CDH4: variants seen among roughly 807,000 people sequenced by gnomAD.
The protein encoded by CDH4 is cadherin-4.
Under a neutral mutation model 86.0 loss-of-function variants are expected in CDH4, and 33 were observed. The observed-to-expected ratio is 0.38, with a 90% confidence interval of 0.29 to 0.51. CDH4 has a LOEUF of 0.51. Ranked by LOEUF, CDH4 falls within the 20% of genes least tolerant of loss-of-function variation. CDH4 has a pLI of 0.86. For synonymous variants in CDH4, 555 were observed against 549.4 expected, an observed-to-expected ratio of 1.01 and a Z score of -0.14; for missense variants, 1,114 against 1,307.4, an observed-to-expected ratio of 0.85 and a Z score of 2.28.
intron 2 of CDH4, among the ~76,000 whole-genome samples, chr20:61,438,060 A>G (rs1203606114): frequency 1.3e-5 from 2 of 152,122 alleles, no homozygotes; most frequent in African/African-American, 2.4e-5. Context: ...TATTTTCACA[A>G]ACAGTGCATG....
Position 61,651,200 on chromosome 20 carries a change from G to A in CDH4, c.170-92363G>A, listed in dbSNP as rs191511570. On this transcript the variant is annotated intron_variant, in intron 2 of 15. Transcript: ENST00000614565. Reference sequence around the variant, plus strand: ...CACTGGTGTGCTTGTGTGAGTTAGCGTCATGCTTGGCCGTGCACTGGTGTG... The same window carrying A: ...CACTGGTGTGCTTGTGTGAGTTAGCATCATGCTTGGCCGTGCACTGGTGTG... Among the ~76,000 whole-genome samples the A allele has an allele frequency of 1.5e-4, 22 of 150,826 alleles. No individual in the cohort carries two copies. The East Asian group carries it at 2.9e-3, about 20-fold the overall frequency.
At chr20:61,921,393 G>A (rs1388319533) in intron 9 of CDH4, among the ~76,000 whole-genome samples, 2 of 152,236 alleles carry the variant, frequency 1.3e-5, no homozygotes, top group South Asian at 2.1e-4. Context: ...GCAGGAGTAC[G>A]TTTTTTTAAT....
intron 5 of CDH4, among the ~76,000 whole-genome samples, chr20:61,849,535 T>C (rs552138761): frequency 6.9e-4 from 105 of 151,484 alleles, no homozygotes; most frequent in Non-Finnish European, 7.1e-4. Flanking sequence ...CTAGGGAGGA[T>C]CTGCCTCTAG....
At chr20:61,379,219 G>A (rs763418016) in intron 2 of CDH4, among the ~76,000 whole-genome samples, 12 of 152,040 alleles carry the variant, frequency 7.9e-5, no homozygotes, top group Non-Finnish European at 1.2e-4. Context: ...TCTGCTCCTC[G>A]GAAGGGTCTG....
At chr20:61,423,874 G>A (rs893787355) in intron 2 of CDH4, among the ~76,000 whole-genome samples, 12 of 151,038 alleles carry the variant, frequency 7.9e-5, no homozygotes, top group Non-Finnish European at 1.6e-4. Flanking sequence ...GGCCTCTGGC[G>A]GCATCCTCAG....
intron 2 of CDH4, among the ~76,000 whole-genome samples, chr20:61,534,551 C>G (rs1476348527): frequency 1.3e-5 from 2 of 152,110 alleles, no homozygotes; most frequent in Non-Finnish European, 2.9e-5. Flanking sequence ...TGTGGGAGGG[C>G]ACGGGACCGG....
chr20:61,599,378 T>G (rs920403208), intron 2 of CDH4, among the ~76,000 whole-genome samples: 3 of 152,126 alleles, frequency 2.0e-5, no homozygotes, highest in African/African-American at 7.2e-5. Flanking sequence ...CAGGCAAGTG[T>G]CAGGTGGCAG....
intron 8 of CDH4, among the ~76,000 whole-genome samples, chr20:61,901,998 G>A (rs1225041564): frequency 6.6e-6 from 1 of 152,222 alleles, no homozygotes; most frequent in Non-Finnish European, 1.5e-5. Context: ...GAAACAGGAT[G>A]TGGGAGGGAC....
At chr20:61,320,539 G>T (rs1346198714) in intron 2 of CDH4, among the ~76,000 whole-genome samples, 1 of 152,070 alleles carries the variant, frequency 6.6e-6, no homozygotes, top group African/African-American at 2.4e-5. Flanking sequence ...AACTGGGACA[G>T]TTCTGCCCCC....
rs1397983096 is a variant in CDH4 at position 61,936,980 on chromosome 20, C to T, written c.*37C>T. 6.6e-7 allele frequency: 1 copy of T among 1,522,820 alleles called. No individual in the cohort carries two copies. The highest frequency in any genetic ancestry group is 1.4e-5 in the African/African-American group (1 of 72,168). 94.3% of individuals were successfully genotyped at this position (1,522,820 alleles called of 1,614,324 possible). Reference sequence around the variant, plus strand: ...TCTTCGGACCGAAGTGAGAGCCGTGCTCGGACGCCGGAGGAGCAGGACTGA... The same window carrying T: ...TCTTCGGACCGAAGTGAGAGCCGTGTTCGGACGCCGGAGGAGCAGGACTGA... On this transcript the variant is annotated 3_prime_UTR_variant, in exon 16 of 16. Coordinates refer to ENST00000614565, the MANE Select transcript of CDH4 (RefSeq NM_001794.5).
chr20:61,742,932 G>A (rs2088361813), intron 2 of CDH4, among the ~76,000 whole-genome samples: 1 of 152,158 alleles, frequency 6.6e-6, no homozygotes, highest in Admixed American at 6.5e-5. Flanking sequence ...AGCACTTGGT[G>A]GGGCCAGGGT....
intron 2 of CDH4, among the ~76,000 whole-genome samples, chr20:61,273,431 G>T (rs2084198644): frequency 1.1e-5 from 1 of 94,834 alleles, no homozygotes; most frequent in African/African-American, 4.1e-5. Flanking sequence ...GTGCAGTTTG[G>T]GGGAGGACCA....
intron 2 of CDH4, among the ~76,000 whole-genome samples, chr20:61,591,739 T>G (rs1438433946): frequency 6.6e-6 from 1 of 152,230 alleles, no homozygotes; most frequent in Admixed American, 6.5e-5. Context: ...CTTTAACCCA[T>G]GCATAATTTT....
chr20:61,437,191 C>CA, intron 2 of CDH4: 1 of 152,422 alleles, frequency 6.6e-6, no homozygotes, highest in African/African-American at 2.4e-5. Flanking sequence ...CCCCGCCCCC[C>CA]TTGTCTTGCC....
At chr20:61,331,893 G>A (rs558153402) in intron 2 of CDH4, among the ~76,000 whole-genome samples, 7 of 152,272 alleles carry the variant, frequency 4.6e-5, no homozygotes, top group East Asian at 2.0e-4. Context: ...GCACACAGTA[G>A]GCGTGTAAAA....
In CDH4 at chr20:61,661,082, G is replaced by C. The variant is rs570962665; in HGVS notation, c.170-82481G>C. Among the ~76,000 whole-genome samples the C allele has an allele frequency of 6.1e-4, 59 of 97,486 alleles. 1 individual carries two copies. Among genetic ancestry groups the C allele is most frequent in the Admixed American group, 1.0e-3 (11 of 10,642 alleles). 64.0% of individuals were successfully genotyped at this position (97,486 alleles called of 152,430 possible). A position where few individuals can be genotyped will look rare whatever the true frequency, so the allele number is the denominator to read the frequency against. ...GGGAGGCGGCATGGACAGGAGGCAT[G>C]GCGGGGGGGGGGGAGACACAGTGCC... On this transcript the variant is annotated intron_variant, in intron 2 of 15. Transcript: ENST00000614565.
chr20:61,306,928 G>A (rs1250509434), intron 2 of CDH4, among the ~76,000 whole-genome samples: 3 of 152,176 alleles, frequency 2.0e-5, no homozygotes, highest in African/African-American at 7.2e-5. Context: ...GTCCTGGCTG[G>A]GCGGGACTTC....
intron 2 of CDH4, among the ~76,000 whole-genome samples, chr20:61,300,756 G>A (rs533143644): frequency 4.6e-5 from 7 of 152,312 alleles, no homozygotes; most frequent in Non-Finnish European, 8.8e-5. Context: ...TGTCAGGGGC[G>A]AGGCAGTCTC....
At chr20:61,917,760 C>T (rs1434688435) in intron 9 of CDH4, among the ~76,000 whole-genome samples, 2 of 152,244 alleles carry the variant, frequency 1.3e-5, no homozygotes, top group African/African-American at 2.4e-5. Flanking sequence ...TGAGCCTCAG[C>T]GAGTATATCC....
Sources: gnomAD v4.1 joint callset for allele counts (sites outside exome capture counted in the v4.1 genomes callset) on GRCh38, gnomAD v4.1.1 for gene constraint, MANE v1.5 for transcripts, NCBI Gene and HGNC (gene_info 2026-07-23, HGNC 2026-07-21) for gene names.